The following IQGAP1 variants were observed in gnomAD, a reference collection of about 807,000 sequenced individuals.
The protein encoded by IQGAP1 is ras GTPase-activating-like protein IQGAP1.
Under a neutral mutation model 215.6 loss-of-function variants are expected in IQGAP1, and 66 were observed. That is an observed-to-expected ratio of 0.31 (90% confidence interval 0.25 to 0.38). The LOEUF (loss-of-function observed/expected upper bound fraction) is 0.38, where lower values mean the gene tolerates loss of function less well. Among genes scored for constraint, IQGAP1 ranks in the 10% least tolerant of loss-of-function variants. The probability of loss-of-function intolerance (pLI) is 1.00; values close to 1 mark genes in which losing one functional copy is unlikely to be tolerated. For synonymous variants in IQGAP1, 772 were observed against 728.7 expected (o/e 1.06, Z -0.96); for missense variants, 1,712 against 1,997.1 (o/e 0.86, Z 2.72).
Position 90,454,560 on chromosome 15 carries a change from A to T in IQGAP1, c.1612+8A>T. 2 of 1,549,554 alleles carry T rather than the reference A, an allele frequency of 1.3e-6. No homozygotes were observed. The highest frequency in any genetic ancestry group is 1.7e-6 in the Non-Finnish European group (2 of 1,150,064). On this transcript the variant is annotated splice_region_variant and intron_variant, in intron 14 of 37. Transcript: ENST00000268182. ...TGCAAGAGGAACATGAGAGTGAGTT[A>T]TCTTCCTGTCCTCCCCAAATAATGT... is the stretch of plus-strand genomic sequence containing the variant.
chr15:90,400,747 A>G (rs1567113824), intron 2 of IQGAP1, among the ~76,000 whole-genome samples: 3 of 152,184 alleles, frequency 2.0e-5, no homozygotes, highest in East Asian at 3.9e-4. Context: ...TAATGTCCCT[A>G]ATGACAAAAT....
At chr15:90,455,167 A>G (rs896724979) in intron 14 of IQGAP1, among the ~76,000 whole-genome samples, 4 of 152,228 alleles carry the variant, frequency 2.6e-5, no homozygotes, top group African/African-American at 9.7e-5. Context: ...ATTGACGTGT[A>G]TCACCAACCA....
chr15:90,420,497 T>C (rs1001798006), intron 2 of IQGAP1, among the ~76,000 whole-genome samples: 1 of 152,202 alleles, frequency 6.6e-6, no homozygotes, highest in East Asian at 1.9e-4. Context: ...GAATGTTTGA[T>C]TCTCTGTCAG....
intron 19 of IQGAP1, chr15:90,473,449 T>C: frequency 2.2e-6 from 1 of 455,452 alleles, no homozygotes; most frequent in South Asian, 2.4e-5. Flanking sequence ...TGGTTTGTTG[T>C]AAGAAGCCAG....
chr15:90,402,227 C>G (rs1246948363), intron 2 of IQGAP1, among the ~76,000 whole-genome samples: 2 of 152,174 alleles, frequency 1.3e-5, no homozygotes, highest in Non-Finnish European at 2.9e-5. Context: ...AATTGCTTCC[C>G]TTCTTCATAA....
intron 5 of IQGAP1, among the ~76,000 whole-genome samples, chr15:90,436,895 C>G (rs147247530): frequency 6.6e-6 from 1 of 152,170 alleles, no homozygotes; most frequent in Non-Finnish European, 1.5e-5. Flanking sequence ...GCCAGTGATA[C>G]GGTTGTAGCA....
chr15:90,452,243 A>G (rs1388665180), intron 11 of IQGAP1, among the ~76,000 whole-genome samples: 6 of 152,204 alleles, frequency 3.9e-5, no homozygotes. Flanking sequence ...AGGGATCGCT[A>G]AGATTTGGAT....
intron 11 of IQGAP1, among the ~76,000 whole-genome samples, chr15:90,452,163 A>G (rs185066679): frequency 4.6e-5 from 7 of 152,312 alleles, no homozygotes; most frequent in Non-Finnish European, 7.4e-5. Context: ...ACTGGAGTCA[A>G]TATAGCCTCA....
At chr15:90,437,550 C>A (rs1421012377) in intron 5 of IQGAP1, among the ~76,000 whole-genome samples, 1 of 151,874 alleles carries the variant, frequency 6.6e-6, no homozygotes, top group African/African-American at 2.4e-5. Context: ...TTTGGAATTT[C>A]TTTTTTAAAG....
intron 26 of IQGAP1, among the ~76,000 whole-genome samples, chr15:90,480,221 A>T (rs1258560691): frequency 3.7e-5 from 3 of 81,404 alleles, no homozygotes; most frequent in Admixed American, 1.1e-4. Context: ...CCCATATCTT[A>T]AAAAAAAAAA....
chr15:90,471,054 G>A (rs1045430520), intron 18 of IQGAP1, among the ~76,000 whole-genome samples: 3 of 152,016 alleles, frequency 2.0e-5, no homozygotes, highest in Admixed American at 6.6e-5. Context: ...TGTACCTCCA[G>A]ACGTTAGCCC....
At chr15:90,499,315 T>C (rs894714750) in intron 37 of IQGAP1, among the ~76,000 whole-genome samples, 2 of 152,232 alleles carry the variant, frequency 1.3e-5, no homozygotes, top group Non-Finnish European at 2.9e-5. Flanking sequence ...CATCTCTGAG[T>C]CTCAGTAGCT....
intron 5 of IQGAP1, among the ~76,000 whole-genome samples, chr15:90,434,140 T>C (rs960378061): frequency 6.6e-6 from 1 of 152,118 alleles, no homozygotes; most frequent in African/African-American, 2.4e-5. Flanking sequence ...GTTCATTCAT[T>C]CAATAATTTT....
At chr15:90,455,898 C>T (rs537505241) in intron 14 of IQGAP1, among the ~76,000 whole-genome samples, 6 of 152,266 alleles carry the variant, frequency 3.9e-5, no homozygotes, top group South Asian at 2.1e-4. Context: ...AAATCCTCAT[C>T]GCTTTTAAGT....
chr15:90,498,253 C>T (rs185614537), intron 37 of IQGAP1, among the ~76,000 whole-genome samples: 64 of 152,176 alleles, frequency 4.2e-4, no homozygotes, highest in Non-Finnish European at 6.9e-4. Context: ...ATTTCTTAGT[C>T]ATCTTCGTTT....
intron 2 of IQGAP1, among the ~76,000 whole-genome samples, chr15:90,422,758 C>T (rs978490534): frequency 1.3e-4 from 19 of 150,648 alleles, no homozygotes; most frequent in South Asian, 4.2e-4. Flanking sequence ...TATGGTGGCA[C>T]GATCATAACT....
chr15:90,467,990 A>T (rs1453465098), intron 18 of IQGAP1, among the ~76,000 whole-genome samples: 1 of 152,130 alleles, frequency 6.6e-6, no homozygotes, highest in Non-Finnish European at 1.5e-5. Flanking sequence ...GAGCTTTTAA[A>T]GTACTTTTTC....
chr15:90,434,361 C>A (rs889913913), intron 5 of IQGAP1, among the ~76,000 whole-genome samples: 5 of 151,816 alleles, frequency 3.3e-5, no homozygotes, highest in Non-Finnish European at 5.9e-5. Context: ...TTGCTTGAAC[C>A]CGGAAGGCAG....
intron 34 of IQGAP1, 103 bp from the exon 35 acceptor site, chr15:90,492,439 AAAG>A: frequency 1.2e-6 from 1 of 817,700 alleles, no homozygotes; most frequent in Non-Finnish European, 1.8e-6. Context: ...AAAAAAAAAA[AAAG>A]TAGGTAGTCA....
Sources: allele counts gnomAD v4.1 joint callset (sites outside exome capture counted in the v4.1 genomes callset), GRCh38; gene constraint gnomAD v4.1.1; transcripts MANE v1.5; gene names NCBI Gene and HGNC (gene_info 2026-07-23, HGNC 2026-07-21).